The following RNF216 variants were observed in gnomAD, a reference collection of about 807,000 sequenced individuals.
The protein encoded by RNF216 is ring finger protein 216.
A neutral mutation model predicts 110.8 loss-of-function variants in RNF216; 72 were observed. That is an observed-to-expected ratio of 0.65 (90% CI 0.54 to 0.79). RNF216 has a LOEUF of 0.79. RNF216 is among the 30% of genes least tolerant of loss of function. RNF216 has a pLI of 0.00. For missense variants in RNF216, 1,342 were observed against 1,141.2 expected (o/e 1.18, Z -2.54); for synonymous variants, 495 against 407.5 (o/e 1.21, Z -2.59).
chr7:5,712,356 C>T (rs1198459231), intron 12 of RNF216, among the ~76,000 whole-genome samples: 1 of 152,016 alleles, frequency 6.6e-6, no homozygotes, highest in Admixed American at 6.6e-5. Context: ...GCCTGTAATC[C>T]AGGCTACTCA....
intron 3 of RNF216, among the ~76,000 whole-genome samples, chr7:5,749,213 T>TAAGA (rs1252119681): frequency 1.3e-5 from 2 of 150,262 alleles, no homozygotes; most frequent in Admixed American, 1.3e-4. Flanking sequence ...TGCAGTGGCG[T>TAAGA]GATCTTGGCT....
At chr7:5,767,579 G>A (rs571654252) in intron 1 of RNF216, among the ~76,000 whole-genome samples, 1 of 151,022 alleles carries the variant, frequency 6.6e-6, no homozygotes, top group Admixed American at 6.7e-5. Context: ...AGAAATCTCA[G>A]CAAACATGTA....
At chr7:5,771,322 T>A (rs1386167557) in intron 1 of RNF216, among the ~76,000 whole-genome samples, 1 of 151,534 alleles carries the variant, frequency 6.6e-6, no homozygotes, top group African/African-American at 2.4e-5. Context: ...TAACACAAAA[T>A]CTCCACAATC....
At chr7:5,644,695 G>A (rs2128570452) in intron 14 of RNF216, among the ~76,000 whole-genome samples, 1 of 152,102 alleles carries the variant, frequency 6.6e-6, no homozygotes, top group East Asian at 1.9e-4. Context: ...TGTAGAGACT[G>A]GGTTTCACCA....
chr7:5,739,887 C>G (rs1794655178), intron 4 of RNF216, among the ~76,000 whole-genome samples: 1 of 151,656 alleles, frequency 6.6e-6, no homozygotes, highest in Admixed American at 6.6e-5. Context: ...CCTGTGATCC[C>G]AGCTACTCGG....
intron 13 of RNF216, among the ~76,000 whole-genome samples, chr7:5,701,180 C>T (rs987211971): frequency 2.6e-5 from 4 of 152,140 alleles, no homozygotes; most frequent in African/African-American, 9.7e-5. Context: ...ATAACGTGGA[C>T]TAAAGGAGAG....
intron 13 of RNF216, among the ~76,000 whole-genome samples, chr7:5,681,116 C>T (rs1032992444): frequency 3.9e-5 from 6 of 152,286 alleles, no homozygotes; most frequent in South Asian, 2.1e-4. Flanking sequence ...GCTCTTTGAA[C>T]GCCTAGCCTC....
At chr7:5,751,608 T>C (rs893556566) in intron 3 of RNF216, among the ~76,000 whole-genome samples, 4 of 152,162 alleles carry the variant, frequency 2.6e-5, no homozygotes, top group Non-Finnish European at 4.4e-5. Context: ...TGAAGCAGCC[T>C]GATGTTAACT....
intron 13 of RNF216, among the ~76,000 whole-genome samples, chr7:5,689,759 GC>G (rs1391195356): frequency 6.6e-6 from 1 of 151,974 alleles, no homozygotes; most frequent in African/African-American, 2.4e-5. Flanking sequence ...TTCAAGACAA[GC>G]CTGGCCTGCG....
chr7:5,647,379 G>C (rs1196903573), intron 14 of RNF216, among the ~76,000 whole-genome samples: 1 of 142,178 alleles, frequency 7.0e-6, no homozygotes, highest in Non-Finnish European at 1.5e-5. Flanking sequence ...TGTTGTTCAG[G>C]CTGGAGTACA....
intron 13 of RNF216, among the ~76,000 whole-genome samples, chr7:5,711,258 C>T (rs538091796): frequency 8.5e-5 from 13 of 152,300 alleles, no homozygotes; most frequent in African/African-American, 2.6e-4. Flanking sequence ...TCTGCTCCCA[C>T]GTAATATAGT....
Position 5,754,219 on chromosome 7 carries a change from G to A in RNF216, c.68-1240C>T, listed in dbSNP as rs575445229. Among the ~76,000 whole-genome samples the A allele has an allele frequency of 7.2e-4, 109 of 151,212 alleles. 1 individual carries two copies. The highest frequency in any genetic ancestry group is 4.6e-3 in the South Asian group (22 of 4,766). On this transcript the variant is annotated intron_variant, in intron 2 of 16. Coordinates refer to ENST00000389902, the MANE Select transcript of RNF216 (RefSeq NM_207111.4). ...TGCCCAGACTGCAGTACAATGGTGC[G>A]ATCATAGCTCACTGCAGCTTCAACC...
At chr7:5,662,318 G>C (rs1789200396) in intron 13 of RNF216, 2 of 152,172 alleles carry the variant, frequency 1.3e-5, no homozygotes, top group South Asian at 4.1e-4. Flanking sequence ...TATAGCAAAA[G>C]GAAGTCCATT....
At chr7:5,625,912 A>C (rs1786677752) in intron 15 of RNF216, among the ~76,000 whole-genome samples, 1 of 152,218 alleles carries the variant, frequency 6.6e-6, no homozygotes, top group African/African-American at 2.4e-5. Flanking sequence ...TTTGGACTAA[A>C]AGGTCTCATA....
chr7:5,715,176 A>G lies in RNF216; in HGVS notation c.1710T>C (p.Ile570=), dbSNP rs1209685930. ...EEQYQKDGQL[I]ECRCCYGEFP... ...ATTCCCCATAGCAGCAGCGACACTC[A>G]ATCAGCTGGCCATCCTGCAGGCAGT... Residue 570 remains isoleucine (I), a synonymous_variant, in exon 11 of 17, where the codon ATT becomes ATC. Transcript: ENST00000389902. The G allele has an allele frequency of 1.2e-6, 2 of 1,613,242 alleles. No individual in the cohort carries two copies. Among genetic ancestry groups the G allele is most frequent in the Non-Finnish European group, 1.7e-6 (2 of 1,179,878 alleles).
intron 13 of RNF216, among the ~76,000 whole-genome samples, chr7:5,658,381 G>A (rs1788880114): frequency 6.6e-6 from 1 of 152,102 alleles, no homozygotes; most frequent in Non-Finnish European, 1.5e-5. Context: ...TTTGGGCCGG[G>A]CACAGTGGCT....
At chr7:5,682,175 A>G (rs1790695754) in intron 13 of RNF216, among the ~76,000 whole-genome samples, 1 of 152,150 alleles carries the variant, frequency 6.6e-6, no homozygotes, top group Admixed American at 6.5e-5. Context: ...CTAAATTGCA[A>G]AGTTGGCAGA....
At chr7:5,776,704 TC>T (rs1796799254) in intron 1 of RNF216, among the ~76,000 whole-genome samples, 1 of 150,220 alleles carries the variant, frequency 6.7e-6, no homozygotes, top group African/African-American at 2.4e-5. Flanking sequence ...TCTGGGTTTA[TC>T]CTTTAAAAGC....
chr7:5,649,110 G>T (rs535307116), intron 14 of RNF216, among the ~76,000 whole-genome samples: 3 of 152,184 alleles, frequency 2.0e-5, no homozygotes, highest in African/African-American at 7.2e-5. Context: ...GGGCGGGCGC[G>T]GTGGCTCACG....
Sources: gnomAD v4.1 joint callset for allele counts (sites outside exome capture counted in the v4.1 genomes callset) on GRCh38, gnomAD v4.1.1 for gene constraint, MANE v1.5 for transcripts, NCBI Gene and HGNC (gene_info 2026-07-23, HGNC 2026-07-21) for gene names.